The following ST8SIA1 variants were observed in gnomAD, a reference collection of about 807,000 sequenced individuals.
The protein encoded by ST8SIA1 is ST8 alpha-N-acetyl-neuraminide alpha-2,8-sialyltransferase 1.
ST8SIA1 carries 16 observed loss-of-function variants against 35.9 expected under a neutral mutation model. The ratio of observed to expected loss-of-function variants is 0.45; its 90% CI spans 0.30 to 0.68. The LOEUF (loss-of-function observed/expected upper bound fraction) is 0.68. Among genes scored for constraint, ST8SIA1 ranks in the 30% least tolerant of loss-of-function variants. The pLI is 0.09. For missense variants in ST8SIA1, 383 were observed against 453.6 expected (o/e 0.84, Z 1.41); for synonymous variants, 170 against 169.6 (o/e 1.00, Z -0.02).
intron 2 of ST8SIA1, among the ~76,000 whole-genome samples, chr12:22,262,356 C>T (rs922239170): frequency 5.3e-5 from 8 of 152,158 alleles, no homozygotes; most frequent in Non-Finnish European, 1.0e-4. Context: ...GAGTCACTTT[C>T]AAAGCCCGAA....
In ST8SIA1 at chr12:22,333,985, G is replaced by T. The variant is rs371750954; in HGVS notation, c.236+12C>A. ...GGACGCTAGAGGGGAGGAGCCGCGA[G>T]GGCAGGAGTACCTGAACGCTCTGGC... On this transcript the variant is annotated intron_variant, in intron 1 of 4. Coordinates refer to ENST00000396037, the MANE Select transcript of ST8SIA1 (RefSeq NM_003034.4). 1.0e-4 allele frequency: 161 copies of T among 1,611,578 alleles called. No homozygotes were observed. Among genetic ancestry groups the T allele is most frequent in the Non-Finnish European group, 1.3e-4 (151 of 1,178,274 alleles).
At chr12:22,227,312 C>T (rs1865370547) in intron 4 of ST8SIA1, among the ~76,000 whole-genome samples, 1 of 151,980 alleles carries the variant, frequency 6.6e-6, no homozygotes, top group Admixed American at 6.6e-5. Flanking sequence ...CGGTGGCTCA[C>T]ACCTGTAATC....
intron 4 of ST8SIA1, among the ~76,000 whole-genome samples, chr12:22,240,622 G>T (rs1284164529): frequency 6.6e-6 from 1 of 152,024 alleles, no homozygotes; most frequent in Non-Finnish European, 1.5e-5. Context: ...ACATTGAGTT[G>T]TACACAATTT....
chr12:22,235,744 A>G (rs897494910), intron 4 of ST8SIA1, among the ~76,000 whole-genome samples: 1 of 152,224 alleles, frequency 6.6e-6, no homozygotes, highest in Non-Finnish European at 1.5e-5. Flanking sequence ...AGGGGTATGC[A>G]GTCAACTGCT....
At chr12:22,331,035 A>G (rs1464039100) in intron 1 of ST8SIA1, among the ~76,000 whole-genome samples, 1 of 152,208 alleles carries the variant, frequency 6.6e-6, no homozygotes, top group Non-Finnish European at 1.5e-5. Context: ...CAGCTTTCTT[A>G]CTTTCTTCCT....
chr12:22,240,089 A>C (rs1865522849), intron 4 of ST8SIA1, among the ~76,000 whole-genome samples: 1 of 152,182 alleles, frequency 6.6e-6, no homozygotes. Flanking sequence ...TTGCAACTGG[A>C]GAGTCCTCTT....
At chr12:22,207,010 C>A (rs1289323532) in intron 4 of ST8SIA1, among the ~76,000 whole-genome samples, 1 of 152,154 alleles carries the variant, frequency 6.6e-6, no homozygotes, top group African/African-American at 2.4e-5. Context: ...TAAAGGAAAG[C>A]TCCAGAAAAA....
At chr12:22,281,135 G>A (rs576043091) in intron 2 of ST8SIA1, among the ~76,000 whole-genome samples, 24 of 152,146 alleles carry the variant, frequency 1.6e-4, no homozygotes, top group African/African-American at 5.5e-4. Flanking sequence ...GCTAAAGTCC[G>A]TAAACACTTT....
At chr12:22,320,201 G>A (rs1479286942) in intron 1 of ST8SIA1, among the ~76,000 whole-genome samples, 1 of 152,192 alleles carries the variant, frequency 6.6e-6, no homozygotes, top group East Asian at 1.9e-4. Context: ...AAGGAACTTA[G>A]CTGGTGTACA....
At chr12:22,320,982 A>G (rs866045254) in intron 1 of ST8SIA1, among the ~76,000 whole-genome samples, 7 of 120,750 alleles carry the variant, frequency 5.8e-5, no homozygotes, top group Middle Eastern at 3.7e-3. Flanking sequence ...AAAGAAAGAA[A>G]GAAAGAAAGA....
chr12:22,214,046 G>A (rs1277442743), intron 4 of ST8SIA1, among the ~76,000 whole-genome samples: 2 of 152,162 alleles, frequency 1.3e-5, no homozygotes, highest in African/African-American at 4.8e-5. Context: ...GGTTTGAAGA[G>A]AAAGACTATT....
chr12:22,241,323 G>T (rs1269353073), intron 4 of ST8SIA1, among the ~76,000 whole-genome samples: 1 of 152,122 alleles, frequency 6.6e-6, no homozygotes, highest in African/African-American at 2.4e-5. Context: ...CTCATCAATG[G>T]CTTAGTACCA....
intron 1 of ST8SIA1, among the ~76,000 whole-genome samples, chr12:22,329,153 C>T (rs1443565220): frequency 3.9e-5 from 6 of 152,160 alleles, no homozygotes; most frequent in African/African-American, 1.4e-4. Flanking sequence ...GTAATCAGAG[C>T]CAAATCATGA....
At chr12:22,212,834 A>G (rs1202524992) in intron 4 of ST8SIA1, among the ~76,000 whole-genome samples, 1 of 152,198 alleles carries the variant, frequency 6.6e-6, no homozygotes, top group Non-Finnish European at 1.5e-5. Flanking sequence ...AGGTAGGCAT[A>G]GTTAAACACT....
intron 2 of ST8SIA1, among the ~76,000 whole-genome samples, chr12:22,282,820 A>G (rs1298127128): frequency 6.6e-6 from 1 of 152,188 alleles, no homozygotes; most frequent in African/African-American, 2.4e-5. Context: ...TTCCAGCCAA[A>G]AAGATATATG....
At chr12:22,292,543 T>C (rs1591846667) in intron 1 of ST8SIA1, among the ~76,000 whole-genome samples, 1 of 150,278 alleles carries the variant, frequency 6.7e-6, no homozygotes, top group East Asian at 2.0e-4. Flanking sequence ...AAATGTGGCA[T>C]ATATATGGAT....
chr12:22,273,588 A>T (rs1291671190), intron 2 of ST8SIA1, among the ~76,000 whole-genome samples: 5 of 152,286 alleles, frequency 3.3e-5, no homozygotes, highest in Non-Finnish European at 7.3e-5. Context: ...CGAGCAAAAA[A>T]ATCCCTCATC....
Position 22,309,516 on chromosome 12 carries a change from T to G in ST8SIA1, c.237-22223A>C, listed in dbSNP as rs181966771. Among the ~76,000 whole-genome samples the G allele has an allele frequency of 2.8e-3, 420 of 152,316 alleles. 4 individuals are homozygous for G. The highest frequency in any genetic ancestry group is 9.5e-3 in the African/African-American group (394 of 41,584). On this transcript the variant is annotated intron_variant, in intron 1 of 4. Transcript: ENST00000396037. ...ACCCAAGAAGGGGCATGAAGCTCAA[T>G]TGTACATGTACATGTTTCTCCTTTC...
Position 22,199,373 on chromosome 12 carries a change from A to T in ST8SIA1, c.*2179T>A, listed in dbSNP as rs2120595753. On this transcript the variant is annotated 3_prime_UTR_variant, in exon 5 of 5. Transcript: ENST00000396037. ...TCTGAGTAACATTTTATTAACTTTT[A>T]TATGCGTTTTTGTTAAGCCTTTTAT... 1 of 152,092 alleles carries T rather than the reference A, an allele frequency of 6.6e-6. No homozygotes were observed. The highest frequency in any genetic ancestry group is 6.5e-5 in the Admixed American group (1 of 15,276). 9.4% of individuals were successfully genotyped at this position (152,092 alleles called of 1,614,324 possible).
Sources: gnomAD v4.1 joint callset for allele counts (sites outside exome capture counted in the v4.1 genomes callset) on GRCh38, gnomAD v4.1.1 for gene constraint, MANE v1.5 for transcripts, NCBI Gene and HGNC (gene_info 2026-07-23, HGNC 2026-07-21) for gene names.